FBLN5: variants seen among roughly 807,000 people sequenced by gnomAD.
The protein encoded by FBLN5 is fibulin-5.
FBLN5 carries 24 observed loss-of-function variants against 61.6 expected under a neutral mutation model. That is an observed-to-expected ratio of 0.39 (90% CI 0.28 to 0.55). FBLN5 has a LOEUF of 0.55. Ranked by LOEUF, FBLN5 falls within the 20% of genes least tolerant of loss-of-function variation. FBLN5 has a pLI of 0.65. For synonymous variants in FBLN5, 213 were observed against 219.8 expected (o/e 0.97, Z 0.27); for missense variants, 470 against 594.1 (o/e 0.79, Z 2.17).
At chr14:91,915,686 C>CAAAAAAAAAAAAAAAAAAAAAAAAAAA (rs34675184) in intron 4 of FBLN5, among the ~76,000 whole-genome samples, 1 of 43,736 alleles carries the variant, frequency 2.3e-5, no homozygotes, top group Non-Finnish European at 4.0e-5. Flanking sequence ...GACTCCATCT[C>CAAAAAAAAAAAAAAAAAAAAAAAAAAA]AAAAAAAAAA....
intron 1 of FBLN5, 27 bp from the exon 2 acceptor site, chr14:91,942,988 A>C: frequency 1.3e-6 from 2 of 1,488,994 alleles, no homozygotes; most frequent in Non-Finnish European, 1.8e-6. Context: ...TCAAATATAA[A>C]TGCCCAAGAC....
chr14:91,923,154 A>G (rs2055770723), intron 4 of FBLN5, among the ~76,000 whole-genome samples: 1 of 152,166 alleles, frequency 6.6e-6, no homozygotes, highest in African/African-American at 2.4e-5. Context: ...AGCCCCTCTC[A>G]TGCAGATGTG....
intron 4 of FBLN5, among the ~76,000 whole-genome samples, chr14:91,925,875 A>G (rs2055819284): frequency 6.6e-6 from 1 of 152,194 alleles, no homozygotes; most frequent in Non-Finnish European, 1.5e-5. Context: ...CGCTTAAGGA[A>G]CAAGGAGACT....
Position 91,947,656 on chromosome 14 carries a change from C to A in FBLN5, c.-427G>T, listed in dbSNP as rs1456585074. 2 of 163,010 alleles carry A rather than the reference C, an allele frequency of 1.2e-5. No homozygotes were observed. Among genetic ancestry groups the A allele is most frequent in the Non-Finnish European group, 2.7e-5 (2 of 74,978 alleles). The allele number at this position is 163,010 out of a possible 1,614,324, so 10.1% of individuals were successfully genotyped here. On this transcript the variant is annotated 5_prime_UTR_variant, in exon 1 of 11. Transcript: ENST00000342058. This position sits in a 1 kb window ranked among gnomAD's most constrained non-coding sequence, Gnocchi z 4.3. ...GCTCGGCGCTGGGAGGAGAGCCCTT[C>A]CCCGGCCGCGCTCGGCTGCGAGCGC...
chr14:91,908,382 C>CCT (rs1765821843), intron 4 of FBLN5, among the ~76,000 whole-genome samples: 1 of 152,198 alleles, frequency 6.6e-6, no homozygotes, highest in South Asian at 2.1e-4. Flanking sequence ...GCACAGTGAA[C>CCT]CTCTCTCATC....
At chr14:91,876,396 T>C (rs906310423) in intron 10 of FBLN5, among the ~76,000 whole-genome samples, 1 of 152,178 alleles carries the variant, frequency 6.6e-6, no homozygotes, top group Non-Finnish European at 1.5e-5. Flanking sequence ...GATTCCTGGG[T>C]GCAGTATGCT....
At chr14:91,894,833 CTCCCTAGCAAAGAAAAGCTTACT>C in intron 5 of FBLN5, 94 bp downstream of exon 5, 1 of 552,276 alleles carries the variant, frequency 1.8e-6, no homozygotes, top group Admixed American at 2.2e-5. Flanking sequence ...CCCTCCCGCC[CTCCCTAGCAAAGAAAAGCTTACT>C]ACCCTCAGGC....
intron 6 of FBLN5, among the ~76,000 whole-genome samples, chr14:91,888,886 G>C (rs1198785572): frequency 2.0e-5 from 3 of 152,122 alleles, no homozygotes; most frequent in Non-Finnish European, 4.4e-5. Flanking sequence ...ATACACCAAT[G>C]GCCAAAGTTC....
At chr14:91,890,962 G>A (rs1307239514) in intron 6 of FBLN5, among the ~76,000 whole-genome samples, 2 of 152,180 alleles carry the variant, frequency 1.3e-5, no homozygotes, top group Non-Finnish European at 2.9e-5. Flanking sequence ...GAAAAGAAGC[G>A]AATCCATGAA....
chr14:91,894,935 C>A lies in FBLN5; in HGVS notation c.502+15G>T, dbSNP rs190933127. Reference sequence around the variant, plus strand: ...ACTTCCAAGAGTCCCTGTGACCCCCCCAGAGAGCTGTTACCTAAGCACTGG... The same window carrying A: ...ACTTCCAAGAGTCCCTGTGACCCCCACAGAGAGCTGTTACCTAAGCACTGG... On this transcript the variant is annotated intron_variant, in intron 5 of 10. Coordinates refer to ENST00000342058, the MANE Select transcript of FBLN5 (RefSeq NM_006329.4). The A allele has an allele frequency of 3.1e-6, 5 of 1,613,296 alleles. No homozygotes were observed. Among genetic ancestry groups the A allele is most frequent in the East Asian group, 2.2e-5 (1 of 44,846 alleles).
intron 4 of FBLN5, among the ~76,000 whole-genome samples, chr14:91,921,539 C>T (rs2055734098): frequency 1.3e-5 from 2 of 152,200 alleles, no homozygotes; most frequent in African/African-American, 4.8e-5. Flanking sequence ...GTCAGCATCA[C>T]TCAGAAGAAA....
At chr14:91,872,620 G>C (rs117773978) in intron 10 of FBLN5, among the ~76,000 whole-genome samples, 1 of 152,184 alleles carries the variant, frequency 6.6e-6, no homozygotes, top group African/African-American at 2.4e-5. Context: ...CAGGCCAGGC[G>C]CTGGGACCTC....
intron 4 of FBLN5, among the ~76,000 whole-genome samples, chr14:91,906,520 AGCCACACCCT>A: frequency 6.6e-6 from 1 of 152,356 alleles, no homozygotes; most frequent in Middle Eastern, 3.4e-3. Context: ...GGGCTGAAAC[AGCCACACCCT>A]GCTCCCCATC....
chr14:91,887,134 T>C, intron 7 of FBLN5, 59 bp downstream of exon 7: 1 of 1,604,482 alleles, frequency 6.2e-7, no homozygotes, highest in African/African-American at 1.3e-5. Context: ...GCCCTTGCCC[T>C]TCAACCCCTG....
Position 91,889,182 on chromosome 14 carries a change from G to C in FBLN5, c.620-1870C>G, listed in dbSNP as rs553529648. The stretch of plus-strand genomic sequence containing the variant: ...TGGGGTTTCCCCACCGGGGACAGGA[G>C]GGGGTAGGAAAATGTCCACTGTGCT... On this transcript the variant is annotated intron_variant, in intron 6 of 10. Coordinates refer to ENST00000342058, the MANE Select transcript of FBLN5 (RefSeq NM_006329.4). 1.4e-3 allele frequency among the ~76,000 whole-genome samples: 216 copies of C among 152,350 alleles called. 2 individuals are homozygous for C. The highest frequency in any genetic ancestry group is 9.5e-3 in the South Asian group (46 of 4,832).
chr14:91,877,572 T>C lies in FBLN5; in HGVS notation c.1100A>G (p.Gln367Arg). The change falls in exon 10 of 11, where the codon CAA becomes CGA. Residue 367 changes from glutamine (Q) to arginine (R), a missense_variant. By Grantham distance (43) the Gln-to-Arg change is conservative. Transcript: ENST00000342058. ...SGRSVPADIF[Q>R]MQATTRYPGA... ...AGGGTAGCGGGTCGTGGCTTGCATT[T>C]GGAAGATGTCAGCGGGAACGGAGCG... The C allele has an allele frequency of 3.7e-6, 6 of 1,614,184 alleles. No homozygotes were observed. The highest frequency in any genetic ancestry group is 5.1e-6 in the Non-Finnish European group (6 of 1,180,024).
chr14:91,908,364 A>G (rs1418689125), intron 4 of FBLN5, among the ~76,000 whole-genome samples: 2 of 152,170 alleles, frequency 1.3e-5, no homozygotes, highest in Non-Finnish European at 2.9e-5. Flanking sequence ...CCTTCTTAGC[A>G]GCATTTGGCA....
rs183862064 is a variant in FBLN5 at position 91,931,120 on chromosome 14, C to T, written c.379+5827G>A. 7.9e-5 allele frequency among the ~76,000 whole-genome samples: 12 copies of T among 152,350 alleles called. No individual in the cohort carries two copies. In the East Asian group the frequency reaches 1.2e-3, roughly 15 times the overall value. ...TTTTACAGATGAGGAAACCAACCCCCGTCCTCACAGGTAGGAAGTGGCCAA... is the reference window on the plus strand; with the variant it reads ...TTTTACAGATGAGGAAACCAACCCCTGTCCTCACAGGTAGGAAGTGGCCAA... On this transcript the variant is annotated intron_variant, in intron 4 of 10. Transcript: ENST00000342058.
intron 4 of FBLN5, among the ~76,000 whole-genome samples, chr14:91,905,297 C>G (rs1021716649): frequency 6.6e-6 from 1 of 152,170 alleles, no homozygotes; most frequent in African/African-American, 2.4e-5. Flanking sequence ...CTCCTATCAC[C>G]TGCCCCCCTA....
Sources: gnomAD v4.1 joint callset for allele counts (sites outside exome capture counted in the v4.1 genomes callset) on GRCh38, gnomAD v4.1.1 for gene constraint, Gnocchi (gnomAD v3.1) non-coding constraint, MANE v1.5 for transcripts, NCBI Gene and HGNC (gene_info 2026-07-23, HGNC 2026-07-21) for gene names.